Variants in KANSL3 observed in about 807,000 individuals in gnomAD.
KANSL3 encodes the protein KAT8 regulatory NSL complex subunit 3.
In KANSL3, 16 loss-of-function variants were observed where a neutral mutation model predicts 89.2. That is an observed-to-expected ratio of 0.18 (90% CI 0.12 to 0.27). The LOEUF is 0.27. KANSL3 is among the 10% of genes least tolerant of loss of function. The pLI is 1.00. For synonymous variants in KANSL3, 385 were observed against 419.7 expected (o/e 0.92, Z 1.01); for missense variants, 879 against 1,110.6 (o/e 0.79, Z 2.96).
At chr2:96,630,370 C>A (rs907014450) in intron 3 of KANSL3, among the ~76,000 whole-genome samples, 2 of 152,172 alleles carry the variant, frequency 1.3e-5, no homozygotes, top group African/African-American at 4.8e-5. Context: ...ATACACGCAA[C>A]CACATGGATA....
intron 11 of KANSL3, among the ~76,000 whole-genome samples, chr2:96,609,950 CAAAAAAAAAAAAAAA>C (rs35175492): frequency 9.3e-5 from 2 of 21,616 alleles, no homozygotes; most frequent in Admixed American, 9.5e-4. Flanking sequence ...GGCGCCACCT[CAAAAAAAAAAAAAAA>C]AAAAAAAAAA....
intron 20 of KANSL3, chr2:96,597,946 T>C (rs1179713588): frequency 1.5e-5 from 3 of 204,704 alleles, no homozygotes; most frequent in African/African-American, 7.1e-5. Context: ...GTTAACATCA[T>C]CAGTTAGAAG....
At chr2:96,602,401 A>C (rs1456195308) in intron 18 of KANSL3, 63 bp from the exon 19 acceptor site, 1 of 1,214,866 alleles carries the variant, frequency 8.2e-7, no homozygotes, top group African/African-American at 1.5e-5. Flanking sequence ...TCGAGCTTGG[A>C]GGGCCCACAG....
chr2:96,602,707 G>A (rs766381262), intron 18 of KANSL3, 46 bp downstream of exon 18: 7 of 1,471,776 alleles, frequency 4.8e-6, no homozygotes, highest in African/African-American at 1.4e-5. Flanking sequence ...AGCTGAGGAG[G>A]CCTCCTCCCT....
intron 5 of KANSL3, among the ~76,000 whole-genome samples, chr2:96,617,505 A>T (rs2070387425): frequency 1.3e-5 from 2 of 151,900 alleles, no homozygotes; most frequent in Non-Finnish European, 2.9e-5. Context: ...TGGCCAGGCA[A>T]CTTACAGCAG....
At position 96,605,344 on chromosome 2, in the gene KANSL3, G is replaced by C. The variant is rs1333043887; in HGVS notation, c.1909C>G (p.Pro637Ala). ...QGDTAGGPCA[P>A]SQGSAPEAAG... ...CCTTCTGGAGCACTTCCTTGGGAAG[G>C]AGCACAAGGCCCTCCAGCTGTGTCC... The change falls in exon 15 of 21, where the codon CCT (proline) becomes GCT (alanine). Residue 637 changes from proline to alanine, a missense_variant. Pro to Ala is a conservative substitution (Grantham distance 27). Transcript: ENST00000431828. The C allele has an allele frequency of 6.2e-7, 1 of 1,611,604 alleles. No individual in the cohort carries two copies. The highest frequency in any genetic ancestry group is 2.2e-5 in the East Asian group (1 of 44,842).
chr2:96,603,225 A>C (rs1408923861), intron 17 of KANSL3: 2 of 180,602 alleles, frequency 1.1e-5, no homozygotes, highest in African/African-American at 4.7e-5. Context: ...CAATCAAAGC[A>C]GTAAGGAAGT....
Position 96,638,306 on chromosome 2 carries a change from C to A in KANSL3, c.-74G>T, listed in dbSNP as rs1573717557. ...ACCCGCGGTCTTACGGCCGCGCGCT[C>A]GGCCACGGCCGGATCCCTAAGCGCG... is the stretch of plus-strand genomic sequence containing the variant. On this transcript the variant is annotated 5_prime_UTR_variant, in exon 1 of 21. Transcript: ENST00000431828. 6.6e-6 allele frequency: 1 copy of A among 152,264 alleles called. No individual in the cohort carries two copies. Among genetic ancestry groups the A allele is most frequent in the African/African-American group, 2.4e-5 (1 of 41,472 alleles). The allele number at this position is 152,264 out of a possible 1,614,324, so 9.4% of individuals were successfully genotyped here.
intron 2 of KANSL3, among the ~76,000 whole-genome samples, chr2:96,636,147 T>C (rs1009237533): frequency 6.6e-6 from 1 of 152,094 alleles, no homozygotes; most frequent in Non-Finnish European, 1.5e-5. Context: ...GATTAAACAT[T>C]AGGTCAGATT....
At chr2:96,621,127 A>G (rs935763132) in intron 3 of KANSL3, among the ~76,000 whole-genome samples, 4 of 152,254 alleles carry the variant, frequency 2.6e-5, no homozygotes, top group African/African-American at 9.6e-5. Flanking sequence ...TGAGACAACC[A>G]CAACTGGAAA....
chr2:96,605,491 G>C lies in KANSL3; in HGVS notation c.1762C>G (p.Pro588Ala). 2 of 1,613,644 alleles carry C rather than the reference G, an allele frequency of 1.2e-6. No homozygotes were observed. Among genetic ancestry groups the C allele is most frequent in the Non-Finnish European group, 1.7e-6 (2 of 1,179,652 alleles). Residue 588 changes from proline (P) to alanine (A), a missense_variant, in exon 15 of 21, where the codon CCA (proline) becomes GCA (alanine). Coordinates refer to ENST00000431828, the MANE Select transcript of KANSL3 (RefSeq NM_001115016.3). ...QAQVPISSEPPEEGEKEDLRV... is the reference protein window; with the variant it reads ...QAQVPISSEPAEEGEKEDLRV... ...AGATCCTCTTTCTCTCCTTCCTCTG[G>C]TGGTTCTGATGAAATGGGAACTAAG...
At position 96,596,382 on chromosome 2, in the gene KANSL3, C is replaced by A. The variant is rs181355934; in HGVS notation, c.2617-751G>T. 2.6e-5 allele frequency among the ~76,000 whole-genome samples: 4 copies of A among 152,348 alleles called. No individual in the cohort carries two copies. In the East Asian group the frequency reaches 5.8e-4, roughly 22 times the overall value. Reference sequence around the variant, plus strand: ...GACCAGCCTGGGCAACTTAGCCCATCTCTACAAAATTTTTTCAAACATTAG... The same window carrying A: ...GACCAGCCTGGGCAACTTAGCCCATATCTACAAAATTTTTTCAAACATTAG... On this transcript the variant is annotated intron_variant, in intron 20 of 20. Transcript: ENST00000431828.
At chr2:96,618,184 C>CA (rs560975323) in intron 5 of KANSL3, among the ~76,000 whole-genome samples, 54 of 151,068 alleles carry the variant, frequency 3.6e-4, no homozygotes, top group Admixed American at 1.2e-3. Flanking sequence ...AGGCCTCAGA[C>CA]AACTTGGATT....
intron 3 of KANSL3, 146 bp downstream of exon 3, chr2:96,631,166 T>A: frequency 1.5e-6 from 1 of 648,662 alleles, no homozygotes; most frequent in South Asian, 1.9e-5. Flanking sequence ...CACAGCATGG[T>A]GAACTGAGAG....
chr2:96,619,879 G>A lies in KANSL3; in HGVS notation c.387-117C>T, dbSNP rs182287371. 118 of 800,332 alleles carry A rather than the reference G, an allele frequency of 1.5e-4. 1 individual carries two copies. The Admixed American group carries it at 3.1e-3, about 21-fold the overall frequency. The allele number at this position is 800,332 out of a possible 1,614,324, so 49.6% of individuals were successfully genotyped here. On this transcript the variant is annotated intron_variant, in intron 3 of 20. Transcript: ENST00000431828. ...TGTCTCTGCTAGGGAACAGTAAAAC[G>A]AAGTAGCTTAGTCTAAGACCACTGA...
chr2:96,604,242 C>A lies in KANSL3; in HGVS notation c.2149+8G>T. ...GTTGGAAGGGGAGAATGCTGGGCCA[C>A]AAGATACCTGGGAGGGAGCTGCCAG... On this transcript the variant is annotated splice_region_variant and intron_variant, in intron 17 of 20. Coordinates refer to ENST00000431828, the MANE Select transcript of KANSL3 (RefSeq NM_001115016.3). 6.3e-7 allele frequency: 1 copy of A among 1,595,506 alleles called. No homozygotes were observed. The highest frequency in any genetic ancestry group is 8.5e-7 in the Non-Finnish European group (1 of 1,172,670).
At chr2:96,607,551 C>G (rs2068188965) in intron 14 of KANSL3, among the ~76,000 whole-genome samples, 1 of 152,202 alleles carries the variant, frequency 6.6e-6, no homozygotes, top group Non-Finnish European at 1.5e-5. Flanking sequence ...TGGCTCTGGC[C>G]ACCACTCATG....
chr2:96,629,910 T>C (rs1346897658), intron 3 of KANSL3, among the ~76,000 whole-genome samples: 1 of 152,210 alleles, frequency 6.6e-6, no homozygotes, highest in Non-Finnish European at 1.5e-5. Flanking sequence ...ATAGTAGATA[T>C]ATGGATACAC....
At chr2:96,607,800 C>A (rs2068235394) in intron 14 of KANSL3, among the ~76,000 whole-genome samples, 2 of 152,168 alleles carry the variant, frequency 1.3e-5, no homozygotes, top group South Asian at 4.1e-4. Flanking sequence ...GCTGCTGCCT[C>A]TTCCCAGGCA....
Sources: gnomAD v4.1 joint callset for allele counts (sites outside exome capture counted in the v4.1 genomes callset) on GRCh38, gnomAD v4.1.1 for gene constraint, MANE v1.5 for transcripts, NCBI Gene and HGNC (gene_info 2026-07-23, HGNC 2026-07-21) for gene names.